SERPINI1: variants seen among roughly 807,000 people sequenced by gnomAD.
SERPINI1 encodes neuroserpin.
SERPINI1 carries 19 observed loss-of-function variants against 41.1 expected under a neutral mutation model. The ratio of observed to expected loss-of-function variants is 0.46; its 90% CI spans 0.32 to 0.68. The LOEUF is 0.68. Among genes scored for constraint, SERPINI1 ranks in the 30% least tolerant of loss-of-function variants. The probability of loss-of-function intolerance (pLI) is 0.03; values close to 1 mark genes in which losing one functional copy is unlikely to be tolerated. For missense variants in SERPINI1, 460 were observed against 479.2 expected, an observed-to-expected ratio of 0.96 and a Z score of 0.37; for synonymous variants, 138 against 156.6, an observed-to-expected ratio of 0.88 and a Z score of 0.89.
intron 1 of SERPINI1, among the ~76,000 whole-genome samples, chr3:167,744,618 T>C (rs1356476105): frequency 1.4e-5 from 2 of 138,450 alleles, no homozygotes; most frequent in Non-Finnish European, 3.1e-5. Context: ...TATATATAAC[T>C]ATATTTAAAT....
chr3:167,781,633 C>CTTTTTTTTTTTTTTTT (rs1560005922), intron 1 of SERPINI1, among the ~76,000 whole-genome samples: 1 of 129,672 alleles, frequency 7.7e-6, no homozygotes, highest in African/African-American at 2.8e-5. Context: ...TTTCTTTTGG[C>CTTTTTTTTTTTTTTTT]CTTTTTTTTT....
rs1252549703 is a variant in SERPINI1, at chr3:167,794,821, C to T, written c.878C>T (p.Pro293Leu). ...VKKQKVEVYL[P>L]RFTVEQEIDL... is the part of the protein sequence containing the mutation. The stretch of plus-strand genomic sequence containing the variant: ...AAGCAAAAAGTAGAAGTATACCTGC[C>T]CAGGTATGAGGTTCCTGTGTCACCC... The change falls in exon 5 of 9, where the codon CCC becomes CTC. Residue 293 changes from proline to leucine, a missense_variant. Pro to Leu is a moderately conservative substitution (Grantham distance 98). Coordinates refer to ENST00000446050, the MANE Select transcript of SERPINI1 (RefSeq NM_001122752.2). The T allele has an allele frequency of 6.2e-7, 1 of 1,611,346 alleles. No individual in the cohort carries two copies. The highest frequency in any genetic ancestry group is 8.5e-7 in the Non-Finnish European group (1 of 1,178,678).
chr3:167,740,733 T>C (rs183107714), intron 1 of SERPINI1, among the ~76,000 whole-genome samples: 1 of 152,344 alleles, frequency 6.6e-6, no homozygotes, highest in Admixed American at 6.5e-5. Flanking sequence ...CGTGTGTGTG[T>C]GCGTGCATGG....
intron 6 of SERPINI1, among the ~76,000 whole-genome samples, chr3:167,820,284 T>A (rs1345560547): frequency 6.6e-6 from 1 of 152,156 alleles, no homozygotes; most frequent in Non-Finnish European, 1.5e-5. Context: ...AGCCAGGGCT[T>A]CATGCTCCAT....
At chr3:167,738,412 C>T (rs1725554889) in intron 1 of SERPINI1, among the ~76,000 whole-genome samples, 1 of 152,016 alleles carries the variant, frequency 6.6e-6, no homozygotes, top group African/African-American at 2.4e-5. Flanking sequence ...CAGGAAGATT[C>T]ACTGATGCAT....
In SERPINI1 at chr3:167,807,267, A is replaced by G; in HGVS notation, c.905A>G (p.Asp302Gly). The change falls in exon 6 of 9, where the codon GAT (aspartate) becomes GGT (glycine). Residue 302 changes from aspartate to glycine, a missense_variant. By Grantham distance (94) the Asp-to-Gly change is moderately conservative. Coordinates refer to ENST00000446050, the MANE Select transcript of SERPINI1 (RefSeq NM_001122752.2). ...AGGTTCACAGTGGAACAGGAAATTG[A>G]TTTAAAAGATGTTTTGAAGGCTCTT... is the stretch of plus-strand genomic sequence containing the variant. ...LPRFTVEQEI[D>G]LKDVLKALGI... is the part of the protein sequence containing the mutation. 1 of 1,612,698 alleles carries G rather than the reference A, an allele frequency of 6.2e-7. No individual in the cohort carries two copies. The highest frequency in any genetic ancestry group is 8.5e-7 in the Non-Finnish European group (1 of 1,179,028).
chr3:167,798,008 A>G (rs749688477), intron 5 of SERPINI1, among the ~76,000 whole-genome samples: 2 of 152,142 alleles, frequency 1.3e-5, no homozygotes, highest in African/African-American at 2.4e-5. Flanking sequence ...CTCTTATTAA[A>G]TCCATGAATT....
At chr3:167,812,817 A>G (rs1711939120) in intron 6 of SERPINI1, among the ~76,000 whole-genome samples, 1 of 152,144 alleles carries the variant, frequency 6.6e-6, no homozygotes. Flanking sequence ...TACAATAAAC[A>G]TGGATTATAG....
chr3:167,780,838 G>A (rs1046036866), intron 1 of SERPINI1, among the ~76,000 whole-genome samples: 1 of 152,114 alleles, frequency 6.6e-6, no homozygotes, highest in African/African-American at 2.4e-5. Flanking sequence ...ACTGTGAGAG[G>A]CAGGACCAAT....
intron 1 of SERPINI1, among the ~76,000 whole-genome samples, chr3:167,787,353 G>A (rs747357927): frequency 1.3e-4 from 20 of 152,200 alleles, no homozygotes; most frequent in Admixed American, 4.6e-4. Context: ...TCATTATCAA[G>A]TATTGTGTAT....
chr3:167,792,193 A>G (rs1241115631), intron 3 of SERPINI1, among the ~76,000 whole-genome samples: 1 of 152,124 alleles, frequency 6.6e-6, no homozygotes, highest in Non-Finnish European at 1.5e-5. Flanking sequence ...CTGTGTTAAG[A>G]GTTTTACATG....
intron 1 of SERPINI1, among the ~76,000 whole-genome samples, chr3:167,767,537 G>A (rs764589686): frequency 1.4e-4 from 22 of 152,176 alleles, no homozygotes; most frequent in Non-Finnish European, 3.1e-4. Context: ...TAGAGCCATA[G>A]ATAGTGATTC....
chr3:167,802,837 T>C (rs1279268107), intron 5 of SERPINI1, among the ~76,000 whole-genome samples: 4 of 150,992 alleles, frequency 2.6e-5, no homozygotes, highest in South Asian at 2.1e-4. Flanking sequence ...CGTATGTTTA[T>C]TGAGGCATTA....
intron 1 of SERPINI1, among the ~76,000 whole-genome samples, chr3:167,742,297 A>G (rs1212701788): frequency 6.6e-6 from 1 of 152,244 alleles, no homozygotes; most frequent in Admixed American, 6.5e-5. Context: ...ATTGTAAAGT[A>G]CAGATCAACT....
chr3:167,785,679 T>G (rs1375650082), intron 1 of SERPINI1, among the ~76,000 whole-genome samples: 2 of 152,248 alleles, frequency 1.3e-5, no homozygotes, highest in Non-Finnish European at 2.9e-5. Context: ...ATTATTATTA[T>G]CATCTCATGG....
At chr3:167,818,695 A>C (rs1003523450) in intron 6 of SERPINI1, among the ~76,000 whole-genome samples, 5 of 152,166 alleles carry the variant, frequency 3.3e-5, no homozygotes, top group Non-Finnish European at 7.3e-5. Flanking sequence ...TATCCCTGCC[A>C]CAACTACCAC....
At chr3:167,793,831 CATATGTATGT>C (rs1193693139) in intron 4 of SERPINI1, among the ~76,000 whole-genome samples, 2 of 110,570 alleles carry the variant, frequency 1.8e-5, no homozygotes, top group East Asian at 2.3e-4. Context: ...TCATTTTGGC[CATATGTATGT>C]GTGTGTGTGT....
Position 167,802,314 on chromosome 3 carries a change from C to G in SERPINI1, c.882-4930C>G, listed in dbSNP as rs1202790819. ...ACTAAAGAGCTTCTGCACAGCAAAA[C>G]AAACTACCATCAGAGTGAACAGGCA... On this transcript the variant is annotated intron_variant, in intron 5 of 8. Coordinates refer to ENST00000446050, the MANE Select transcript of SERPINI1 (RefSeq NM_001122752.2). Among the ~76,000 whole-genome samples the G allele has an allele frequency of 1.2e-3, 179 of 150,172 alleles. 1 individual carries two copies. Among genetic ancestry groups the G allele is most frequent in the African/African-American group, 4.0e-3 (161 of 40,432 alleles).
At chr3:167,736,940 A>G (rs1272906444) in intron 1 of SERPINI1, among the ~76,000 whole-genome samples, 14 of 152,122 alleles carry the variant, frequency 9.2e-5, no homozygotes, top group Admixed American at 8.5e-4. Context: ...AGCATATTGC[A>G]GCAAATTTTG....
Sources: gnomAD v4.1 joint callset for allele counts (sites outside exome capture counted in the v4.1 genomes callset) on GRCh38, gnomAD v4.1.1 for gene constraint, MANE v1.5 for transcripts, NCBI Gene and HGNC (gene_info 2026-07-23, HGNC 2026-07-21) for gene names.